ATP2A1: variants seen among roughly 807,000 people sequenced by gnomAD.
ATP2A1 encodes ATPase sarcoplasmic/endoplasmic reticulum Ca2+ transporting 1.
A neutral mutation model predicts 109.5 loss-of-function variants in ATP2A1; 83 were observed. The observed-to-expected ratio is 0.76, with a 90% CI of 0.63 to 0.91. ATP2A1 has a LOEUF of 0.91. ATP2A1 is among the 40% of genes least tolerant of loss of function. The probability of loss-of-function intolerance (pLI) is 0.00; values close to 1 mark genes in which losing one functional copy is unlikely to be tolerated. For synonymous variants in ATP2A1, 505 were observed against 537.6 expected (o/e 0.94, Z 0.84); for missense variants, 1,101 against 1,341.0 (o/e 0.82, Z 2.80).
chr16:28,886,741 C>T (rs979926573), intron 6 of ATP2A1, among the ~76,000 whole-genome samples: 2 of 149,402 alleles, frequency 1.3e-5, no homozygotes, highest in South Asian at 4.3e-4. Flanking sequence ...AATCCCAGCA[C>T]TTTGGGAGGC....
chr16:28,900,488 A>C, intron 14 of ATP2A1, 93 bp from the exon 15 acceptor site: 2 of 587,868 alleles, frequency 3.4e-6, no homozygotes, highest in South Asian at 2.1e-5. Flanking sequence ...CCACTTCCTG[A>C]CCTTTCACCC....
Position 28,880,973 on chromosome 16 carries a change from T to A in ATP2A1, c.278T>A (p.Val93Asp). 2 of 1,614,212 alleles carry A rather than the reference T, an allele frequency of 1.2e-6. No homozygotes were observed. Among genetic ancestry groups the A allele is most frequent in the Non-Finnish European group, 1.7e-6 (2 of 1,180,030 alleles). The change falls in exon 4 of 23, where the codon GTC (valine) becomes GAC (aspartate). Residue 93 changes from valine to aspartate, a missense_variant. Physicochemically the swap from Val to Asp is radical, Grantham distance 152 (BLOSUM62 -3). Transcript: ENST00000395503. The surrounding 1 kb of genome is among the most constrained non-coding windows in gnomAD (Gnocchi z 4.2). ...ATCACTGCCTTTGTTGAACCCTTTG[T>A]CATCCTCTTGATCCTCATTGCCAAT... ...ETITAFVEPF[V>D]ILLILIANAI...
rs139337937 is a variant in ATP2A1, at chr16:28,882,459, C to T, written c.333C>T (p.Asn111=). The part of the protein sequence containing the change: ...NAIVGVWQER[N]AENAIEALKE... Reference sequence around the variant, plus strand: ...CCACCCTGTCTCCTCAGGAGCGGAACGCAGAGAACGCCATCGAGGCCCTGA... The same window carrying T: ...CCACCCTGTCTCCTCAGGAGCGGAATGCAGAGAACGCCATCGAGGCCCTGA... The change falls in exon 5 of 23, where the codon AAC becomes AAT. Residue 111 remains asparagine (N), a synonymous_variant. Transcript: ENST00000395503. 1.7e-5 allele frequency: 27 copies of T among 1,614,014 alleles called. No individual in the cohort carries two copies. Among genetic ancestry groups the T allele is most frequent in the East Asian group, 1.3e-4 (6 of 44,872 alleles).
intron 6 of ATP2A1, among the ~76,000 whole-genome samples, chr16:28,885,747 T>C (rs942223348): frequency 2.0e-5 from 3 of 151,992 alleles, no homozygotes; most frequent in African/African-American, 7.3e-5. Flanking sequence ...GCCCACCCCT[T>C]CCACATGGAC....
intron 12 of ATP2A1, among the ~76,000 whole-genome samples, chr16:28,897,604 G>C (rs892702557): frequency 6.6e-6 from 1 of 152,078 alleles, no homozygotes; most frequent in South Asian, 2.1e-4. Context: ...ACAATGGTGC[G>C]ATCTTGGCTC....
chr16:28,899,188 T>C (rs1301101707), intron 14 of ATP2A1, among the ~76,000 whole-genome samples: 2 of 152,212 alleles, frequency 1.3e-5, no homozygotes, highest in South Asian at 2.1e-4. Context: ...ATCTGTGTTC[T>C]GGCAAAGACT....
rs1009569577 is a variant in ATP2A1 at position 28,898,723 on chromosome 16, G to A, written c.1764+272G>A. Among the ~76,000 whole-genome samples, 1 of 149,056 alleles carries A rather than the reference G, an allele frequency of 6.7e-6. No individual in the cohort carries two copies. Among genetic ancestry groups the A allele is most frequent in the African/African-American group, 2.5e-5 (1 of 40,584 alleles). ...GTTCAAGACCAGCCTGGGCAATGAA[G>A]TGAGAACCCCATCTCTATTAAAAAA... On this transcript the variant is annotated intron_variant, in intron 14 of 22. Coordinates refer to ENST00000395503, the MANE Select transcript of ATP2A1 (RefSeq NM_004320.6). This position sits in a 1 kb window ranked among gnomAD's most constrained non-coding sequence, Gnocchi z 4.0.
intron 4 of ATP2A1, among the ~76,000 whole-genome samples, chr16:28,882,100 C>CTTTTTTT (rs778416146): frequency 1.1e-5 from 1 of 90,414 alleles, no homozygotes; most frequent in African/African-American, 6.2e-5. Flanking sequence ...CTACGCCCGG[C>CTTTTTTT]TTTTTTTTTT....
intron 9 of ATP2A1, among the ~76,000 whole-genome samples, chr16:28,891,297 GA>G (rs1435263994): frequency 1.4e-5 from 2 of 146,698 alleles, no homozygotes; most frequent in African/African-American, 2.5e-5. Flanking sequence ...ACTCCATCTC[GA>G]AAAAAAATAT....
At chr16:28,888,423 A>G (rs753181560) in intron 8 of ATP2A1, among the ~76,000 whole-genome samples, 16 of 151,768 alleles carry the variant, frequency 1.1e-4, no homozygotes, top group Middle Eastern at 3.2e-3. Context: ...TGTTTGTTTA[A>G]TAGAGACAGA....
Position 28,888,897 on chromosome 16 carries a change from G to T in ATP2A1, c.1039G>T (p.Val347Phe), listed in dbSNP as rs371545107. 2 of 1,614,102 alleles carry T rather than the reference G, an allele frequency of 1.2e-6. No homozygotes were observed. Among genetic ancestry groups the T allele is most frequent in the Non-Finnish European group, 1.7e-6 (2 of 1,180,016 alleles). ...PSVETLGCTS[V>F]ICSDKTGTLT... ...CGTAGAGACCCTGGGCTGCACCTCT[G>T]TCATCTGTTCCGACAAGACAGGCAC... is the stretch of plus-strand genomic sequence containing the variant. The change falls in exon 9 of 23, where the codon GTC (valine) becomes TTC (phenylalanine). Residue 347 changes from valine to phenylalanine, a missense_variant. Val to Phe is a conservative substitution (Grantham distance 50, BLOSUM62 -1). Coordinates refer to ENST00000395503, the MANE Select transcript of ATP2A1 (RefSeq NM_004320.6).
In ATP2A1 at chr16:28,903,342, C is replaced by G. The variant is rs753722491; in HGVS notation, c.2882C>G (p.Ala961Gly). The change falls in exon 21 of 23, where the codon GCC becomes GGC. Residue 961 changes from alanine (A) to glycine (G), a missense_variant. Physicochemically the swap from Ala to Gly is moderately conservative, Grantham distance 60 (BLOSUM62 0). Coordinates refer to ENST00000395503, the MANE Select transcript of ATP2A1 (RefSeq NM_004320.6). This position sits in a 1 kb window ranked among gnomAD's most constrained non-coding sequence, Gnocchi z 5.6. ...DPLPMIFKLR[A>G]LDLTQWLMVL... ...CCCCAGATGATCTTCAAGCTCCGGG[C>G]CCTGGACCTCACCCAGTGGCTCATG... 2 of 1,613,936 alleles carry G rather than the reference C, an allele frequency of 1.2e-6. No homozygotes were observed. Among genetic ancestry groups the G allele is most frequent in the Middle Eastern group, 1.7e-4 (1 of 6,060 alleles).
At position 28,903,797 on chromosome 16, in the gene ATP2A1, C is replaced by T; in HGVS notation, c.*37+56C>T. 6.7e-7 allele frequency: 1 copy of T among 1,496,234 alleles called. No individual in the cohort carries two copies. Among genetic ancestry groups the T allele is most frequent in the South Asian group, 1.1e-5 (1 of 88,782 alleles). The allele number at this position is 1,496,234 out of a possible 1,614,324, so 92.7% of individuals were successfully genotyped here. ...TGCTGTGCCCCTGCCACCCGCGCCCCCTCAGCCCCTTGCGCGTCGCATCCA... is the reference window on the plus strand; with the variant it reads ...TGCTGTGCCCCTGCCACCCGCGCCCTCTCAGCCCCTTGCGCGTCGCATCCA... On this transcript the variant is annotated intron_variant, in intron 22 of 22. Transcript: ENST00000395503. This position sits in a 1 kb window ranked among gnomAD's most constrained non-coding sequence, Gnocchi z 5.6.
At position 28,885,133 on chromosome 16, in the gene ATP2A1, C is replaced by A. The variant is rs565410985; in HGVS notation, c.544+478C>A. ...GCGTGGTGGCAGGCACCTGTAGTCC[C>A]AGCTACTCAGGAGGCTGATACAGTA... On this transcript the variant is annotated intron_variant, in intron 6 of 22. Transcript: ENST00000395503. 8.6e-5 allele frequency among the ~76,000 whole-genome samples: 13 copies of A among 151,734 alleles called. No individual in the cohort carries two copies. The South Asian group carries it at 2.7e-3, about 32-fold the overall frequency.
intron 14 of ATP2A1, among the ~76,000 whole-genome samples, chr16:28,899,066 G>A (rs758902854): frequency 6.6e-6 from 1 of 152,220 alleles, no homozygotes; most frequent in Non-Finnish European, 1.5e-5. Context: ...AATGTGATCT[G>A]TGGTTGGTAA....
intron 7 of ATP2A1, 36 bp from the exon 8 acceptor site, chr16:28,887,389 C>G (rs777387061): frequency 6.2e-7 from 1 of 1,613,842 alleles, no homozygotes; most frequent in East Asian, 2.2e-5. Flanking sequence ...AGGGTCACCT[C>G]TTGCCTGATT....
chr16:28,890,687 G>GT (rs199685597), intron 9 of ATP2A1, among the ~76,000 whole-genome samples: 225 of 149,858 alleles, frequency 1.5e-3, no homozygotes, highest in African/African-American at 2.4e-3. Context: ...TTTTTTGTTT[G>GT]TTTTTTTTTG....
chr16:28,887,224 G>A lies in ATP2A1; in HGVS notation c.580G>A (p.Val194Ile), dbSNP rs201515814. The A allele has an allele frequency of 4.0e-5, 64 of 1,613,600 alleles. No individual in the cohort carries two copies. Among genetic ancestry groups the A allele is most frequent in the African/African-American group, 2.7e-4 (20 of 74,762 alleles). The change falls in exon 7 of 23, where the codon GTT (valine) becomes ATT (isoleucine). Residue 194 changes from valine to isoleucine, a missense_variant. Transcript: ENST00000395503. ...SVSVIKHTEP[V>I]PDPRAVNQDK... The stretch of plus-strand genomic sequence containing the variant: ...ATCTGTCATCAAACACACGGAGCCC[G>A]TTCCTGACCCCCGAGCTGTCAACCA...
At chr16:28,900,526 AG>A in intron 14 of ATP2A1, 54 bp from the exon 15 acceptor site, 2 of 1,203,332 alleles carry the variant, frequency 1.7e-6, no homozygotes, top group Non-Finnish European at 2.1e-6. Context: ...AGCTTCCTCC[AG>A]GGGAGTTTTC....
Sources: gnomAD v4.1 joint callset for allele counts (sites outside exome capture counted in the v4.1 genomes callset) on GRCh38, gnomAD v4.1.1 for gene constraint, Gnocchi (gnomAD v3.1) non-coding constraint, MANE v1.5 for transcripts, NCBI Gene and HGNC (gene_info 2026-07-23, HGNC 2026-07-21) for gene names.